MLLT3: variants seen among roughly 807,000 people sequenced by gnomAD.
The protein encoded by MLLT3 is protein AF-9.
MLLT3 carries 4 observed loss-of-function variants against 53.2 expected under a neutral mutation model. The ratio of observed to expected loss-of-function variants is 0.08; its 90% confidence interval spans 0.04 to 0.17. The LOEUF is 0.17. Among genes scored for constraint, MLLT3 ranks in the 10% least tolerant of loss-of-function variants. The pLI is 1.00. For missense variants in MLLT3, 569 were observed against 684.0 expected (o/e 0.83, Z 1.87); for synonymous variants, 283 against 230.6 (o/e 1.23, Z -2.06).
intron 5 of MLLT3, among the ~76,000 whole-genome samples, chr9:20,399,627 T>C (rs757341041): frequency 6.6e-6 from 1 of 152,048 alleles, no homozygotes; most frequent in Non-Finnish European, 1.5e-5. Flanking sequence ...CAGGGTAATA[T>C]ACTGGGACAT....
rs1235328157 is a variant in MLLT3, at chr9:20,615,699, C to T, written c.193+4955G>A. On this transcript the variant is annotated intron_variant, in intron 2 of 10. Transcript: ENST00000380338. ...TATGATCTTTTCAGGTGATTGGTGA[C>T]GTTAAATCTATATATATAATAAAAT... 4.0e-5 allele frequency among the ~76,000 whole-genome samples: 6 copies of T among 151,644 alleles called. No individual in the cohort carries two copies. In the South Asian group the frequency reaches 1.0e-3, roughly 26 times the overall value.
In MLLT3 at chr9:20,364,831, A is replaced by T. The variant is rs549388023; in HGVS notation, c.1201+838T>A. 6.6e-5 allele frequency among the ~76,000 whole-genome samples: 10 copies of T among 152,324 alleles called. No individual in the cohort carries two copies. The East Asian group carries it at 1.9e-3, about 29-fold the overall frequency. On this transcript the variant is annotated intron_variant, in intron 6 of 10. Transcript: ENST00000380338. ...AAACACAAATTCTACTTTGATACCT[A>T]TGCATTTTTCATGTAAAAAGAGTGT...
At chr9:20,571,196 A>G (rs1423239956) in intron 2 of MLLT3, among the ~76,000 whole-genome samples, 2 of 152,204 alleles carry the variant, frequency 1.3e-5, no homozygotes, top group African/African-American at 4.8e-5. Flanking sequence ...AACTTCCAAC[A>G]AAAGCTTTTA....
chr9:20,518,662 C>T (rs1215924929), intron 2 of MLLT3, among the ~76,000 whole-genome samples: 1 of 152,184 alleles, frequency 6.6e-6, no homozygotes, highest in Non-Finnish European at 1.5e-5. Flanking sequence ...GTAATACATA[C>T]TGATATCATG....
At chr9:20,462,077 G>A (rs1824123189) in intron 2 of MLLT3, among the ~76,000 whole-genome samples, 1 of 152,166 alleles carries the variant, frequency 6.6e-6, no homozygotes, top group South Asian at 2.1e-4. Context: ...ACAAGCATCT[G>A]GAAGTCTAGA....
At chr9:20,352,334 C>T (rs576213538) in intron 10 of MLLT3, among the ~76,000 whole-genome samples, 13 of 152,238 alleles carry the variant, frequency 8.5e-5, no homozygotes, top group African/African-American at 2.9e-4. Context: ...TGGGAAGAGA[C>T]GAGAAAGATC....
chr9:20,400,530 G>A (rs1822429016), intron 5 of MLLT3, among the ~76,000 whole-genome samples: 1 of 151,984 alleles, frequency 6.6e-6, no homozygotes, highest in African/African-American at 2.4e-5. Flanking sequence ...ATCTTTTAGA[G>A]ACTCATATTA....
intron 2 of MLLT3, among the ~76,000 whole-genome samples, chr9:20,590,307 G>C (rs1820095964): frequency 6.6e-6 from 1 of 152,132 alleles, no homozygotes; most frequent in African/African-American, 2.4e-5. Context: ...GTGCTACCCA[G>C]ACAGAGTCCC....
intron 2 of MLLT3, among the ~76,000 whole-genome samples, chr9:20,593,390 C>T (rs1820175775): frequency 6.6e-6 from 1 of 152,132 alleles, no homozygotes; most frequent in Non-Finnish European, 1.5e-5. Flanking sequence ...TTGGGCTTAG[C>T]ATCAAGAAAG....
chr9:20,348,709 T>C (rs1425855889), intron 10 of MLLT3, among the ~76,000 whole-genome samples: 3 of 152,228 alleles, frequency 2.0e-5, no homozygotes, highest in Non-Finnish European at 4.4e-5. Flanking sequence ...GTTAAAGTGC[T>C]ACATTTATGT....
At position 20,462,311 on chromosome 9, in the gene MLLT3, T is replaced by C. The variant is rs1274079503; in HGVS notation, c.194-5525A>G. ...AAAGTTTTCCCTCTTTTGTGTTTTA[T>C]TTCCTCCATTTCCTTGAACAAGAAT... On this transcript the variant is annotated intron_variant, in intron 2 of 10. Transcript: ENST00000380338. Among the ~76,000 whole-genome samples the C allele has an allele frequency of 1.6e-4, 25 of 152,244 alleles. 1 individual carries two copies. The highest frequency in any genetic ancestry group is 1.6e-3 in the Admixed American group (25 of 15,274).
At chr9:20,388,530 G>C (rs191903053) in intron 5 of MLLT3, among the ~76,000 whole-genome samples, 1 of 152,222 alleles carries the variant, frequency 6.6e-6, no homozygotes, top group African/African-American at 2.4e-5. Context: ...GGAGCTTGCA[G>C]TGAGCCGAGA....
chr9:20,564,669 T>C (rs990447334), intron 2 of MLLT3, among the ~76,000 whole-genome samples: 1 of 152,056 alleles, frequency 6.6e-6, no homozygotes. Context: ...AAAAGGGGAG[T>C]AAAGTTCTTA....
chr9:20,477,374 C>T (rs1824550236), intron 2 of MLLT3, among the ~76,000 whole-genome samples: 1 of 152,052 alleles, frequency 6.6e-6, no homozygotes, highest in African/African-American at 2.4e-5. Flanking sequence ...AGTGAAACAA[C>T]TGGAGTCTCT....
At chr9:20,537,703 C>G (rs1038653289) in intron 2 of MLLT3, among the ~76,000 whole-genome samples, 2 of 151,934 alleles carry the variant, frequency 1.3e-5, no homozygotes, top group African/African-American at 4.8e-5. Flanking sequence ...ATTAAAACAC[C>G]AAGAAGAAGA....
intron 4 of MLLT3, among the ~76,000 whole-genome samples, chr9:20,433,342 A>G (rs1166341362): frequency 6.6e-6 from 1 of 152,228 alleles, no homozygotes. Flanking sequence ...TGATAGTAAT[A>G]GGTTATAACC....
chr9:20,508,339 C>T (rs1261592715), intron 2 of MLLT3, among the ~76,000 whole-genome samples: 1 of 152,154 alleles, frequency 6.6e-6, no homozygotes, highest in Non-Finnish European at 1.5e-5. Flanking sequence ...AAACACTCTG[C>T]ATCATGTATC....
intron 2 of MLLT3, among the ~76,000 whole-genome samples, chr9:20,469,501 C>A (rs369099798): frequency 5.9e-5 from 9 of 152,118 alleles, no homozygotes; most frequent in East Asian, 5.8e-4. Context: ...TATTCCAGAA[C>A]AGCGTGCCCA....
At chr9:20,597,226 T>C (rs116625019) in intron 2 of MLLT3, among the ~76,000 whole-genome samples, 15 of 152,218 alleles carry the variant, frequency 9.9e-5, no homozygotes, top group African/African-American at 2.6e-4. Context: ...AAGGTAATTA[T>C]TGGAGAGTAC....
Sources: allele counts gnomAD v4.1 joint callset (sites outside exome capture counted in the v4.1 genomes callset), GRCh38; gene constraint gnomAD v4.1.1; transcripts MANE v1.5; gene names NCBI Gene and HGNC (gene_info 2026-07-23, HGNC 2026-07-21).